The following RASSF5 variants were observed in gnomAD, a reference collection of about 807,000 sequenced individuals.
RASSF5 encodes the protein ras association domain-containing protein 5.
Under a neutral mutation model 40.5 loss-of-function variants are expected in RASSF5, and 25 were observed. The observed-to-expected ratio is 0.62, with a 90% CI of 0.45 to 0.86. The LOEUF (loss-of-function observed/expected upper bound fraction) is 0.86. Among genes scored for constraint, RASSF5 ranks in the 40% least tolerant of loss-of-function variants. The pLI is 0.00. For missense variants in RASSF5, 521 were observed against 572.8 expected, an observed-to-expected ratio of 0.91 and a Z score of 0.92; for synonymous variants, 246 against 252.4, an observed-to-expected ratio of 0.97 and a Z score of 0.24.
chr1:206,575,205 C>T (rs1668595988), intron 2 of RASSF5, among the ~76,000 whole-genome samples: 1 of 152,156 alleles, frequency 6.6e-6, no homozygotes, highest in Non-Finnish European at 1.5e-5. Flanking sequence ...GCAAGCACAA[C>T]AGAAGCACCG....
intron 1 of RASSF5, among the ~76,000 whole-genome samples, chr1:206,526,601 C>A (rs1349639536): frequency 6.6e-6 from 1 of 152,084 alleles, no homozygotes; most frequent in African/African-American, 2.4e-5. Flanking sequence ...TGGCTGCAGA[C>A]CTCCAGGCTT....
chr1:206,551,369 TC>T (rs577102809), intron 2 of RASSF5, among the ~76,000 whole-genome samples: 29 of 152,312 alleles, frequency 1.9e-4, no homozygotes, highest in Non-Finnish European at 3.8e-4. Context: ...CCCCGCTCCC[TC>T]CACGTTACCC....
chr1:206,510,511 T>C (rs938039101), intron 1 of RASSF5, among the ~76,000 whole-genome samples: 2 of 152,238 alleles, frequency 1.3e-5, no homozygotes, highest in African/African-American at 4.8e-5. Context: ...ATATGATTGT[T>C]ATTGTCCCCT....
chr1:206,587,092 C>A lies in RASSF5; in HGVS notation c.*114C>A. 7.7e-7 allele frequency: 1 copy of A among 1,294,122 alleles called. No individual in the cohort carries two copies. The highest frequency in any genetic ancestry group is 1.1e-6 in the Non-Finnish European group (1 of 921,936). The allele number at this position is 1,294,122 out of a possible 1,614,324, so 80.2% of individuals were successfully genotyped here. On this transcript the variant is annotated 3_prime_UTR_variant, in exon 6 of 6. Coordinates refer to ENST00000579436, the MANE Select transcript of RASSF5 (RefSeq NM_182663.4). ...CTCTGGCAGGTGCATTTGTGCCTGC[C>A]CAGCAGTTCCAGCTGTGGCAAAAGT...
intron 2 of RASSF5, among the ~76,000 whole-genome samples, chr1:206,556,818 G>C (rs184496199): frequency 9.7e-4 from 147 of 152,230 alleles, no homozygotes; most frequent in African/African-American, 3.4e-3. Context: ...CCCACCCAGC[G>C]AATGGGGGAG....
At position 206,584,503 on chromosome 1, in the gene RASSF5, C is replaced by T. The variant is rs782184864; in HGVS notation, c.807C>T (p.Asn269=). ...QSIYDAIKEV[N]LAATTDKRTS... ...TCTATGATGCCATCAAGGAGGTGAA[C>T]CTGGCGGCTACCACGGACAAGCGGA... The change falls in exon 4 of 6, where the codon AAC becomes AAT. Residue 269 remains asparagine (N), a synonymous_variant. Transcript: ENST00000579436. The surrounding 1 kb of genome is among the most constrained non-coding windows in gnomAD (Gnocchi z 4.9). 6.2e-7 allele frequency: 1 copy of T among 1,613,970 alleles called. No individual in the cohort carries two copies. Among genetic ancestry groups the T allele is most frequent in the Non-Finnish European group, 8.5e-7 (1 of 1,180,002 alleles).
At chr1:206,530,155 CT>C (rs144798002) in intron 1 of RASSF5, among the ~76,000 whole-genome samples, 4,811 of 152,116 alleles carry the variant, frequency 0.032, 258 homozygotes, top group African/African-American at 0.11. Flanking sequence ...AATTTAGTAA[CT>C]ATAGAGGTAG....
Position 206,507,979 on chromosome 1 carries a change from C to A in RASSF5, c.377C>A (p.Ala126Asp), listed in dbSNP as rs782004015. 3 of 1,536,102 alleles carry A rather than the reference C, an allele frequency of 2.0e-6. 1 individual carries two copies. The South Asian group carries it at 3.6e-5, about 19-fold the overall frequency. ...GAGCGAGGCGAGGGGCACTGCTTCG[C>A]CGAGTTGGTGCTGCCGGGCGGCCCC... Reference protein sequence around the residue: ...PAERGEGHCFAELVLPGGPGW... With the variant: ...PAERGEGHCFDELVLPGGPGW... The change falls in exon 1 of 6, where the codon GCC becomes GAC. Residue 126 changes from alanine (A) to aspartate (D), a missense_variant. Physicochemically the swap from Ala to Asp is moderately radical, Grantham distance 126. Around this residue, in one of 2 missense-constraint regions of RASSF5, gnomAD observed 237 missense variants for 212.0 expected, o/e 1.12. Coordinates refer to ENST00000579436, the MANE Select transcript of RASSF5 (RefSeq NM_182663.4).
chr1:206,584,777 G>A lies in RASSF5; in HGVS notation c.988+93G>A. ...CTCCTGCCGGCCTTGGGTGGGAGCT[G>A]TGGGCTTCTCCTGAGCACCAGGGGT... On this transcript the variant is annotated intron_variant, in intron 4 of 5. Coordinates refer to ENST00000579436, the MANE Select transcript of RASSF5 (RefSeq NM_182663.4). The surrounding 1 kb of genome is among the most constrained non-coding windows in gnomAD (Gnocchi z 4.9). 1.4e-6 allele frequency: 2 copies of A among 1,383,926 alleles called. No individual in the cohort carries two copies. The highest frequency in any genetic ancestry group is 2.0e-6 in the Non-Finnish European group (2 of 1,000,232). The allele number at this position is 1,383,926 out of a possible 1,614,324, so 85.7% of individuals were successfully genotyped here.
chr1:206,577,253 C>T (rs1350135405), intron 2 of RASSF5, among the ~76,000 whole-genome samples: 2 of 152,128 alleles, frequency 1.3e-5, no homozygotes, highest in Non-Finnish European at 2.9e-5. Flanking sequence ...AAAAGTTTGC[C>T]AACCACTGGT....
intron 2 of RASSF5, among the ~76,000 whole-genome samples, chr1:206,540,293 G>A (rs1291561257): frequency 1.3e-5 from 2 of 152,230 alleles, no homozygotes; most frequent in African/African-American, 4.8e-5. Flanking sequence ...GGCTGGATTC[G>A]TTGTCTCATC....
At chr1:206,557,052 C>T in intron 2 of RASSF5, 1 of 769,360 alleles carries the variant, frequency 1.3e-6, no homozygotes, top group Non-Finnish European at 1.6e-6. Flanking sequence ...CCTGCAGTTC[C>T]CTGAGTCCAC....
At chr1:206,561,280 T>G (rs1413753403) in intron 2 of RASSF5, among the ~76,000 whole-genome samples, 1 of 152,244 alleles carries the variant, frequency 6.6e-6, no homozygotes, top group Admixed American at 6.5e-5. Flanking sequence ...GGACTCCTTG[T>G]CAAGTTCTCT....
Position 206,543,565 on chromosome 1 carries a change from A to ATGTGTG in RASSF5, c.579+5294_579+5299dup, listed in dbSNP as rs59506240. On this transcript the variant is annotated intron_variant, in intron 2 of 5. Transcript: ENST00000579436. ...CATGTATATATACACGTGTGTGTGT[A>ATGTGTG]TGTGTGTGTGTGTGTGTGTGTGTGT... 7 of 149,830 alleles carry ATGTGTG rather than the reference A, an allele frequency of 4.7e-5. No individual in the cohort carries two copies. In the East Asian group the frequency reaches 5.9e-4, roughly 13 times the overall value. The allele number at this position is 149,830 out of a possible 1,614,324, so 9.3% of individuals were successfully genotyped here. A position where few individuals can be genotyped will look rare whatever the true frequency, so the allele number is the denominator to read the frequency against.
intron 2 of RASSF5, among the ~76,000 whole-genome samples, chr1:206,554,881 T>C (rs190438100): frequency 3.3e-5 from 5 of 152,348 alleles, no homozygotes; most frequent in African/African-American, 9.6e-5. Flanking sequence ...AGTCTCTGTT[T>C]TGCTGACTTC....
chr1:206,548,339 C>A (rs1048375550), intron 2 of RASSF5, among the ~76,000 whole-genome samples: 7 of 151,992 alleles, frequency 4.6e-5, no homozygotes, highest in Non-Finnish European at 8.8e-5. Flanking sequence ...TTACTCATGG[C>A]GGAAGGTGAA....
intron 2 of RASSF5, among the ~76,000 whole-genome samples, chr1:206,562,078 G>A (rs1012426888): frequency 4.6e-5 from 7 of 152,276 alleles, no homozygotes; most frequent in East Asian, 1.9e-4. Context: ...CTTCAAGGAA[G>A]ATGCAAGAGG....
rs559201914 is a variant in RASSF5, at chr1:206,577,558, T to C, written c.580-5711T>C. Among the ~76,000 whole-genome samples the C allele has an allele frequency of 1.6e-4, 25 of 152,326 alleles. No individual in the cohort carries two copies. The South Asian group carries it at 4.1e-3, about 25-fold the overall frequency. On this transcript the variant is annotated intron_variant, in intron 2 of 5. Transcript: ENST00000579436. Reference sequence around the variant, plus strand: ...TCTGACTTTCTCAAGATCATGTAGTTAGTCATGGGAGTCAGAAGCCCAACA... The same window carrying C: ...TCTGACTTTCTCAAGATCATGTAGTCAGTCATGGGAGTCAGAAGCCCAACA...
chr1:206,514,591 A>G (rs1354799197), intron 1 of RASSF5, among the ~76,000 whole-genome samples: 1 of 152,196 alleles, frequency 6.6e-6, no homozygotes, highest in African/African-American at 2.4e-5. Context: ...GGTCTTATTT[A>G]GACATCTGCA....
Sources: gnomAD v4.1 joint callset for allele counts (sites outside exome capture counted in the v4.1 genomes callset) on GRCh38, gnomAD v4.1.1 for gene constraint, gnomAD v4.1.1 regional missense constraint, Gnocchi (gnomAD v3.1) non-coding constraint, MANE v1.5 for transcripts, NCBI Gene and HGNC (gene_info 2026-07-23, HGNC 2026-07-21) for gene names.